Variants in KCNH5 observed in about 807,000 individuals in gnomAD.
The protein encoded by KCNH5 is potassium voltage-gated channel subfamily H member 5.
Under a neutral mutation model 96.1 loss-of-function variants are expected in KCNH5, and 46 were observed. The ratio of observed to expected loss-of-function variants is 0.48; its 90% CI spans 0.38 to 0.61. The LOEUF is 0.61. Among genes scored for constraint, KCNH5 ranks in the 20% least tolerant of loss-of-function variants. KCNH5 has a pLI of 0.00. For synonymous variants in KCNH5, 439 were observed against 449.8 expected, an observed-to-expected ratio of 0.98 and a Z score of 0.30; for missense variants, 907 against 1,225.8, an observed-to-expected ratio of 0.74 and a Z score of 3.88.
At chr14:62,721,576 G>C (rs1884818158) in intron 10 of KCNH5, among the ~76,000 whole-genome samples, 1 of 151,752 alleles carries the variant, frequency 6.6e-6, no homozygotes, top group South Asian at 2.1e-4. Context: ...TGGTGGAAAG[G>C]TCAGATTCCT....
chr14:62,832,408 G>T (rs1401198523), intron 8 of KCNH5, among the ~76,000 whole-genome samples: 1 of 151,984 alleles, frequency 6.6e-6, no homozygotes, highest in Non-Finnish European at 1.5e-5. Context: ...ATGTCCTCAA[G>T]GTTTATCTTT....
At chr14:62,927,934 A>G (rs1375634629) in intron 7 of KCNH5, among the ~76,000 whole-genome samples, 2 of 152,110 alleles carry the variant, frequency 1.3e-5, no homozygotes, top group African/African-American at 4.8e-5. Flanking sequence ...AGAAAACAAA[A>G]CATTAATAGC....
At chr14:62,810,646 A>G (rs1336053523) in intron 8 of KCNH5, among the ~76,000 whole-genome samples, 1 of 152,132 alleles carries the variant, frequency 6.6e-6, no homozygotes. Context: ...GTGCCATGAC[A>G]GTTTACAAAT....
intron 7 of KCNH5, among the ~76,000 whole-genome samples, chr14:62,929,284 C>T (rs973549152): frequency 1.6e-4 from 24 of 152,028 alleles, no homozygotes; most frequent in Non-Finnish European, 2.9e-5. Context: ...TTCCTGCCAC[C>T]TCCATTGTTA....
chr14:62,986,003 C>T (rs1369907520), intron 5 of KCNH5, among the ~76,000 whole-genome samples: 8 of 152,192 alleles, frequency 5.3e-5, no homozygotes, highest in Non-Finnish European at 1.2e-4. Flanking sequence ...TTGTTTCACA[C>T]ACTATTCTAA....
At chr14:62,756,030 T>G (rs542128719) in intron 10 of KCNH5, among the ~76,000 whole-genome samples, 1 of 152,012 alleles carries the variant, frequency 6.6e-6, no homozygotes, top group South Asian at 2.1e-4. Flanking sequence ...CTGAAAGCCT[T>G]TCCTCTAAGG....
intron 7 of KCNH5, among the ~76,000 whole-genome samples, chr14:62,884,971 C>G (rs1437204281): frequency 6.6e-6 from 1 of 152,106 alleles, no homozygotes; most frequent in Non-Finnish European, 1.5e-5. Context: ...AGTTGTATAA[C>G]TTTATAGGAT....
At chr14:63,017,651 C>T (rs1010777098) in intron 1 of KCNH5, among the ~76,000 whole-genome samples, 2 of 151,356 alleles carry the variant, frequency 1.3e-5, no homozygotes, top group African/African-American at 4.8e-5. Flanking sequence ...TAGGCAGTAA[C>T]TTTAGCAGTT....
intron 7 of KCNH5, among the ~76,000 whole-genome samples, chr14:62,936,090 G>A (rs1033899576): frequency 4.6e-5 from 7 of 152,140 alleles, no homozygotes; most frequent in Non-Finnish European, 5.9e-5. Context: ...AAGTACTTCC[G>A]TATGCATGAA....
chr14:62,936,669 T>A (rs1398138673), intron 7 of KCNH5, among the ~76,000 whole-genome samples: 7 of 82,112 alleles, frequency 8.5e-5, no homozygotes, highest in African/African-American at 4.2e-4. Flanking sequence ...AGCGAGACCC[T>A]GCCTCAAAAA....
chr14:62,952,953 T>C (rs2140132492), intron 6 of KCNH5, among the ~76,000 whole-genome samples: 1 of 152,062 alleles, frequency 6.6e-6, no homozygotes, highest in East Asian at 1.9e-4. Flanking sequence ...TTTATGAGCT[T>C]AAAAAGCAAT....
chr14:62,918,099 G>A (rs1376769732), intron 7 of KCNH5, among the ~76,000 whole-genome samples: 1 of 152,042 alleles, frequency 6.6e-6, no homozygotes, highest in African/African-American at 2.4e-5. Flanking sequence ...ATGAGCCATG[G>A]GAAGTTTAAG....
intron 7 of KCNH5, among the ~76,000 whole-genome samples, chr14:62,899,780 G>A (rs1274774221): frequency 6.6e-6 from 1 of 150,402 alleles, no homozygotes; most frequent in Non-Finnish European, 1.5e-5. Context: ...CTTGCAGTGA[G>A]CCGAGATCCC....
intron 6 of KCNH5, among the ~76,000 whole-genome samples, chr14:62,962,338 A>C (rs149369929): frequency 6.6e-6 from 1 of 152,218 alleles, no homozygotes; most frequent in South Asian, 2.1e-4. Flanking sequence ...ATCCAGATAT[A>C]AAAAAATGCT....
chr14:62,701,215 CTT>C lies in KCNH5; in HGVS notation c.*6291_*6292del, dbSNP rs1199483852. 3 of 152,142 alleles carry C rather than the reference CTT, an allele frequency of 2.0e-5. No homozygotes were observed. The allele number at this position is 152,142 out of a possible 1,614,324, so 9.4% of individuals were successfully genotyped here. ...AAACTCATTGGTTGGTGGGAGAACA[CTT>C]ATTTCTAAAGAAGGCCCCAGCATTT... On this transcript the variant is annotated 3_prime_UTR_variant, in exon 11 of 11. Transcript: ENST00000322893.
chr14:62,870,860 T>A (rs928497336), intron 7 of KCNH5, among the ~76,000 whole-genome samples: 23 of 152,176 alleles, frequency 1.5e-4, no homozygotes, highest in African/African-American at 5.5e-4. Context: ...AGAGGATAGG[T>A]TGCTTGTTCA....
At chr14:62,985,904 T>C (rs1288391917) in intron 5 of KCNH5, among the ~76,000 whole-genome samples, 1 of 152,186 alleles carries the variant, frequency 6.6e-6, no homozygotes, top group Non-Finnish European at 1.5e-5. Context: ...CTTCTTTCCT[T>C]CATCTTACAT....
At chr14:62,927,138 G>T (rs1251182289) in intron 7 of KCNH5, among the ~76,000 whole-genome samples, 39 of 152,088 alleles carry the variant, frequency 2.6e-4, no homozygotes, top group Admixed American at 2.6e-3. Context: ...ATAGTCACAT[G>T]AACAGATGTC....
At position 62,700,230 on chromosome 14, in the gene KCNH5, C is replaced by T. The variant is rs1323434258; in HGVS notation, c.*7278G>A. ...TTTTGTGTTGTTTGAGTACCAAGCA[C>T]TTCTAAAAGTCATTGCTCTTTCAAC... On this transcript the variant is annotated 3_prime_UTR_variant, in exon 11 of 11. Transcript: ENST00000322893. 6.6e-6 allele frequency: 1 copy of T among 152,170 alleles called. No homozygotes were observed. The highest frequency in any genetic ancestry group is 6.5e-5 in the Admixed American group (1 of 15,272). 9.4% of individuals were successfully genotyped at this position (152,170 alleles called of 1,614,324 possible). A position where few individuals can be genotyped will look rare whatever the true frequency, so the allele number is the denominator to read the frequency against.
Sources: gnomAD v4.1 joint callset for allele counts (sites outside exome capture counted in the v4.1 genomes callset) on GRCh38, gnomAD v4.1.1 for gene constraint, MANE v1.5 for transcripts, NCBI Gene and HGNC (gene_info 2026-07-23, HGNC 2026-07-21) for gene names.